LRIG2: variants seen among roughly 807,000 people sequenced by gnomAD.
LRIG2 encodes the protein leucine-rich repeats and immunoglobulin-like domains protein 2.
In LRIG2, 93 loss-of-function variants were observed where a neutral mutation model predicts 107.8. The ratio of observed to expected loss-of-function variants is 0.86; its 90% confidence interval spans 0.73 to 1.03. The LOEUF is 1.03. LRIG2 is among the 50% of genes least tolerant of loss of function. The pLI is 0.00. For synonymous variants in LRIG2, 471 were observed against 470.6 expected (o/e 1.00, Z -0.01); for missense variants, 1,226 against 1,296.0 (o/e 0.95, Z 0.83).
rs1237644055 is a variant in LRIG2, at chr1:113,127,773, G to A, written c.*3672G>A. 6.6e-6 allele frequency: 1 copy of A among 151,768 alleles called. No homozygotes were observed. Among genetic ancestry groups the A allele is most frequent in the African/African-American group, 2.4e-5 (1 of 41,290 alleles). 9.4% of individuals were successfully genotyped at this position (151,768 alleles called of 1,614,324 possible). Reference sequence around the variant, plus strand: ...AGTAGAGACGGGGTTTCTCCATGTTGGTCAGGCTGGCCTCGAACTCCTGAC... The same window carrying A: ...AGTAGAGACGGGGTTTCTCCATGTTAGTCAGGCTGGCCTCGAACTCCTGAC... On this transcript the variant is annotated 3_prime_UTR_variant, in exon 18 of 18. Coordinates refer to ENST00000361127, the MANE Select transcript of LRIG2 (RefSeq NM_014813.3).
At chr1:113,086,749 A>T (rs1362559388) in intron 1 of LRIG2, among the ~76,000 whole-genome samples, 1 of 152,210 alleles carries the variant, frequency 6.6e-6, no homozygotes, top group South Asian at 2.1e-4. Flanking sequence ...TTAATAATTC[A>T]TCATTTATTA....
chr1:113,123,505 CG>C (rs1655349464), intron 17 of LRIG2, among the ~76,000 whole-genome samples: 1 of 152,010 alleles, frequency 6.6e-6, no homozygotes, highest in African/African-American at 2.4e-5. Flanking sequence ...ACCCGGGAGG[CG>C]GAGGTTGCGG....
chr1:113,114,461 G>C lies in LRIG2; in HGVS notation c.2115G>C (p.Lys705Asn), dbSNP rs201522402. 76 of 1,612,368 alleles carry C rather than the reference G, an allele frequency of 4.7e-5. No individual in the cohort carries two copies. Among genetic ancestry groups the C allele is most frequent in the Non-Finnish European group, 6.1e-5 (72 of 1,179,430 alleles). Residue 705 changes from lysine to asparagine, a missense_variant, in exon 15 of 18, where the codon AAG becomes AAC. Physicochemically the swap from Lys to Asn is moderately conservative, Grantham distance 94 (BLOSUM62 0). Transcript: ENST00000361127. ...TPSFIRPLED[K>N]TVTRGETAVL... ...CATTTATTAGACCCCTGGAGGATAA[G>C]ACAGTAACACGAGGTGAAACTGCGG...
chr1:113,105,900 C>G (rs1021368124), intron 11 of LRIG2, among the ~76,000 whole-genome samples: 4 of 152,150 alleles, frequency 2.6e-5, no homozygotes, highest in Non-Finnish European at 5.9e-5. Context: ...CAACTTTGAA[C>G]AGTTGAACAA....
At chr1:113,089,676 CTTTTTT>C (rs35515644) in intron 1 of LRIG2, among the ~76,000 whole-genome samples, 3 of 71,674 alleles carry the variant, frequency 4.2e-5, no homozygotes, top group Admixed American at 2.4e-4. Context: ...AGGTGGATTG[CTTTTTT>C]TTTTTTTTTT....
intron 13 of LRIG2, among the ~76,000 whole-genome samples, chr1:113,110,909 C>T (rs74114115): frequency 0.047 from 7,114 of 151,996 alleles, 575 homozygotes; most frequent in African/African-American, 0.16. Flanking sequence ...CCTGATGGGC[C>T]TTCTAATAAC....
At chr1:113,090,230 A>G (rs1054212466) in intron 1 of LRIG2, among the ~76,000 whole-genome samples, 4 of 152,174 alleles carry the variant, frequency 2.6e-5, no homozygotes, top group African/African-American at 9.6e-5. Context: ...TTGTTGTGTC[A>G]TTTCTGTAAA....
Position 113,076,068 on chromosome 1 carries a change from C to T in LRIG2, c.239+2423C>T, listed in dbSNP as rs563680952. Among the ~76,000 whole-genome samples, 7 of 151,098 alleles carry T rather than the reference C, an allele frequency of 4.6e-5. No homozygotes were observed. The South Asian group carries it at 8.3e-4, about 18-fold the overall frequency. ...TCACCCAGGCTGGAGTGCAGTGGCA[C>T]GATCTCGGCTCAGTGCAGCCTCTGC... On this transcript the variant is annotated intron_variant, in intron 1 of 17. Transcript: ENST00000361127.
Position 113,112,049 on chromosome 1 carries a change from A to T in LRIG2, c.1799-430A>T, listed in dbSNP as rs1654793304. Among the ~76,000 whole-genome samples, 2 of 152,196 alleles carry T rather than the reference A, an allele frequency of 1.3e-5. 1 individual carries two copies. The highest frequency in any genetic ancestry group is 1.3e-4 in the Admixed American group (2 of 15,274). ...CTTTCCCTAGTTCCAGCTGATGATT[A>T]AGTGTATCATGCATCCTAGAAGACA... On this transcript the variant is annotated intron_variant, in intron 13 of 17. Transcript: ENST00000361127.
chr1:113,115,845 G>C (rs954943617), intron 15 of LRIG2, among the ~76,000 whole-genome samples: 2 of 152,132 alleles, frequency 1.3e-5, no homozygotes, highest in Admixed American at 6.5e-5. Context: ...TTCTAAAAAC[G>C]CATTACAGAT....
Position 113,109,771 on chromosome 1 carries a change from G to A in LRIG2, c.1478-471G>A, listed in dbSNP as rs187661799. 8.9e-3 allele frequency among the ~76,000 whole-genome samples: 1,361 copies of A among 152,156 alleles called. 7 individuals are homozygous for A. The highest frequency in any genetic ancestry group is 0.014 in the Non-Finnish European group (970 of 68,024). ...TGACCTGAGTTGATCCACCCACTTCGACCTCTGAAAGTGCTAGGATTACAG... is the reference window on the plus strand; with the variant it reads ...TGACCTGAGTTGATCCACCCACTTCAACCTCTGAAAGTGCTAGGATTACAG... On this transcript the variant is annotated intron_variant, in intron 12 of 17. Transcript: ENST00000361127.
chr1:113,095,932 A>G lies in LRIG2; in HGVS notation c.862A>G (p.Met288Val), dbSNP rs1027428150. The change falls in exon 7 of 18, where the codon ATG becomes GTG. Residue 288 changes from methionine (M) to valine (V), a missense_variant. Around this residue, in one of 3 missense-constraint regions of LRIG2, gnomAD observed 570 missense variants for 550.2 expected, o/e 1.04. Transcript: ENST00000361127. ...VNKGWLYGLR[M>V]LQQLYVSQNA... ...CAAGGGGTGGTTGTATGGCTTGCGA[A>G]TGTTACAGCAGCTCTATGTGAGCCA... The G allele has an allele frequency of 8.1e-6, 13 of 1,614,208 alleles. No individual in the cohort carries two copies. The highest frequency in any genetic ancestry group is 1.1e-5 in the Non-Finnish European group (13 of 1,180,024).
In LRIG2 at chr1:113,131,249, T is replaced by A. The variant is rs1475436279; in HGVS notation, c.*7148T>A. 2.0e-5 allele frequency: 3 copies of A among 152,394 alleles called. No homozygotes were observed. The highest frequency in any genetic ancestry group is 7.2e-5 in the African/African-American group (3 of 41,582). The allele number at this position is 152,394 out of a possible 1,614,324, so 9.4% of individuals were successfully genotyped here. A position where few individuals can be genotyped will look rare whatever the true frequency, so the allele number is the denominator to read the frequency against. On this transcript the variant is annotated 3_prime_UTR_variant, in exon 18 of 18. Transcript: ENST00000361127. ...TGTGCCCAGCCCTCTTGATAATTTTTATTCTTGTTTCTTCTTATCTGTGGG... is the reference window on the plus strand; with the variant it reads ...TGTGCCCAGCCCTCTTGATAATTTTAATTCTTGTTTCTTCTTATCTGTGGG...
rs1005831223 is a variant in LRIG2, at chr1:113,106,702, G to A, written c.1314-892G>A. Among the ~76,000 whole-genome samples, 9 of 151,978 alleles carry A rather than the reference G, an allele frequency of 5.9e-5. No individual in the cohort carries two copies. In the South Asian group the frequency reaches 1.3e-3, roughly 21 times the overall value. ...GTATTTTTAGTAGAGATAGGGTTTC[G>A]CCATGTTGGCCAGGCTGGTCTGGAA... On this transcript the variant is annotated intron_variant, in intron 11 of 17. Transcript: ENST00000361127.
At chr1:113,091,215 T>C in intron 1 of LRIG2, 103 bp from the exon 2 acceptor site, 1 of 694,362 alleles carries the variant, frequency 1.4e-6, no homozygotes, top group Non-Finnish European at 2.4e-6. Context: ...TGAGCCACTG[T>C]ACCTGGCCAA....
At chr1:113,080,328 A>G (rs1040894005) in intron 1 of LRIG2, among the ~76,000 whole-genome samples, 9 of 145,988 alleles carry the variant, frequency 6.2e-5, no homozygotes, top group Non-Finnish European at 1.4e-4. Context: ...CTATCAGGAG[A>G]AATTTTAAAA....
In LRIG2 at chr1:113,119,270, T is replaced by C. The variant is rs768798716; in HGVS notation, c.2718T>C (p.Tyr906=). The C allele has an allele frequency of 5.0e-6, 8 of 1,614,010 alleles. No homozygotes were observed. The highest frequency in any genetic ancestry group is 2.5e-6 in the Non-Finnish European group (3 of 1,179,996). ...TGTRVICSDC[Y]DNANIYSRTR... is the part of the protein sequence containing the mutation. Reference sequence around the variant, plus strand: ...CCCGGGTGATTTGCTCAGATTGTTATGACAATGCCAACATCTACTCCAGGA... The same window carrying C: ...CCCGGGTGATTTGCTCAGATTGTTACGACAATGCCAACATCTACTCCAGGA... The change falls in exon 17 of 18, where the codon TAT becomes TAC. Residue 906 remains tyrosine, a synonymous_variant. Coordinates refer to ENST00000361127, the MANE Select transcript of LRIG2 (RefSeq NM_014813.3).
chr1:113,115,529 ATTT>A (rs56081345), intron 15 of LRIG2, among the ~76,000 whole-genome samples: 16 of 141,488 alleles, frequency 1.1e-4, no homozygotes, highest in Non-Finnish European at 1.2e-4. Context: ...GAATTTGTAA[ATTT>A]TTTTTTTTTT....
At chr1:113,120,569 G>GC in intron 17 of LRIG2, among the ~76,000 whole-genome samples, 1 of 145,370 alleles carries the variant, frequency 6.9e-6, no homozygotes, top group Non-Finnish European at 1.5e-5. Flanking sequence ...GGAGTGCAAT[G>GC]ATGCCATCTC....
Sources: gnomAD v4.1 joint callset for allele counts (sites outside exome capture counted in the v4.1 genomes callset) on GRCh38, gnomAD v4.1.1 for gene constraint, gnomAD v4.1.1 regional missense constraint, MANE v1.5 for transcripts, NCBI Gene and HGNC (gene_info 2026-07-23, HGNC 2026-07-21) for gene names.